The following RORA variants were observed in gnomAD, a reference collection of about 807,000 sequenced individuals.
RORA encodes the protein nuclear receptor ROR-alpha.
In RORA, 7 loss-of-function variants were observed where a neutral mutation model predicts 69.5. The observed-to-expected ratio is 0.10, with a 90% CI of 0.06 to 0.19. RORA has a LOEUF of 0.19. Ranked by LOEUF, RORA falls within the 10% of genes least tolerant of loss-of-function variation. RORA has a pLI of 1.00. For synonymous variants in RORA, 261 were observed against 240.8 expected (o/e 1.08, Z -0.78); for missense variants, 457 against 663.0 (o/e 0.69, Z 3.41).
intron 1 of RORA, among the ~76,000 whole-genome samples, chr15:60,700,084 T>C (rs1227293909): frequency 6.6e-6 from 1 of 152,198 alleles, no homozygotes; most frequent in African/African-American, 2.4e-5. Context: ...ATGGGAATTG[T>C]GCTCATTAGG....
chr15:60,836,906 A>T (rs2073123927), intron 1 of RORA, among the ~76,000 whole-genome samples: 1 of 152,200 alleles, frequency 6.6e-6, no homozygotes, highest in African/African-American at 2.4e-5. Flanking sequence ...GCACCAGCCC[A>T]CATTCTTGTG....
intron 1 of RORA, among the ~76,000 whole-genome samples, chr15:61,070,207 C>T (rs888442814): frequency 1.1e-4 from 17 of 152,244 alleles, no homozygotes; most frequent in African/African-American, 2.6e-4. Flanking sequence ...ACAAAAATGG[C>T]GACCACACCT....
chr15:60,986,817 G>A (rs1894217427), intron 1 of RORA, among the ~76,000 whole-genome samples: 1 of 152,200 alleles, frequency 6.6e-6, no homozygotes, highest in South Asian at 2.1e-4. Flanking sequence ...TAGAAGTACG[G>A]ACCAACTTCC....
intron 1 of RORA, among the ~76,000 whole-genome samples, chr15:60,909,783 G>A (rs57052318): frequency 0.048 from 7,378 of 152,284 alleles, 633 homozygotes; most frequent in African/African-American, 0.17. Context: ...AAAGAGAGTG[G>A]CCTCAAGTGG....
Position 60,649,945 on chromosome 15 carries a change from A to G in RORA, c.196+28712T>C, listed in dbSNP as rs140704791. 1.0e-3 allele frequency among the ~76,000 whole-genome samples: 155 copies of G among 152,296 alleles called. 1 individual carries two copies. The East Asian group carries it at 0.027, about 27-fold the overall frequency. On this transcript the variant is annotated intron_variant, in intron 2 of 10. Coordinates refer to ENST00000335670, the MANE Select transcript of RORA (RefSeq NM_134261.3). ...CCCTCTGCCGTGGAATCAAATCTCC[A>G]TGTATAAAAATAAACCTAGAAACTT... is the stretch of plus-strand genomic sequence containing the variant.
At chr15:61,078,068 G>A (rs1211598918) in intron 1 of RORA, among the ~76,000 whole-genome samples, 1 of 152,218 alleles carries the variant, frequency 6.6e-6, no homozygotes, top group Non-Finnish European at 1.5e-5. Context: ...TCTTAGTGAA[G>A]TAACCACTGG....
chr15:61,014,073 G>A (rs926894607), intron 1 of RORA, among the ~76,000 whole-genome samples: 3 of 152,086 alleles, frequency 2.0e-5, no homozygotes, highest in African/African-American at 4.8e-5. Flanking sequence ...GTGAGCCACC[G>A]CACCCGGCCG....
rs183551393 is a variant in RORA at position 60,891,696 on chromosome 15, T to A, written c.167-213010A>T. ...GCCTCTGCCTGTCTTTCCAGCCTCATTTCCTGCTATTCTGCACGTGACTCC... is the reference window on the plus strand; with the variant it reads ...GCCTCTGCCTGTCTTTCCAGCCTCAATTCCTGCTATTCTGCACGTGACTCC... On this transcript the variant is annotated intron_variant, in intron 1 of 10. Transcript: ENST00000335670. Among the ~76,000 whole-genome samples the A allele has an allele frequency of 1.2e-3, 181 of 152,348 alleles. 1 individual carries two copies. Among genetic ancestry groups the A allele is most frequent in the Non-Finnish European group, 1.6e-3 (107 of 68,028 alleles).
At chr15:60,883,059 A>C (rs543414433) in intron 1 of RORA, among the ~76,000 whole-genome samples, 204 of 128,798 alleles carry the variant, frequency 1.6e-3, no homozygotes, top group Admixed American at 3.3e-3. Context: ...TGAACCTGGG[A>C]GGTGGAAGCT....
intron 1 of RORA, among the ~76,000 whole-genome samples, chr15:60,909,448 T>G (rs1891638169): frequency 1.3e-5 from 2 of 152,188 alleles, no homozygotes; most frequent in South Asian, 4.1e-4. Flanking sequence ...AGATCAAAAC[T>G]TATTCCATGC....
At chr15:60,806,583 G>T (rs2072662690) in intron 1 of RORA, among the ~76,000 whole-genome samples, 1 of 152,174 alleles carries the variant, frequency 6.6e-6, no homozygotes, top group Admixed American at 6.5e-5. Context: ...AGACTTGGTA[G>T]TTTCATAAAG....
chr15:60,903,440 C>T (rs1249428377), intron 1 of RORA, among the ~76,000 whole-genome samples: 3 of 152,192 alleles, frequency 2.0e-5, no homozygotes, highest in South Asian at 4.1e-4. Context: ...AAATGTCTTC[C>T]GGAACCATCC....
At chr15:60,677,221 A>G (rs1455764736) in intron 2 of RORA, 1 of 455,880 alleles carries the variant, frequency 2.2e-6, no homozygotes, top group African/African-American at 2.0e-5. Flanking sequence ...AGCGCTCTGT[A>G]CCATGCCTGC....
intron 1 of RORA, among the ~76,000 whole-genome samples, chr15:61,159,049 T>C (rs963755534): frequency 9.2e-5 from 14 of 152,190 alleles, no homozygotes; most frequent in Admixed American, 9.2e-4. Context: ...TATATAAATA[T>C]ACAGCTAGAC....
intron 1 of RORA, among the ~76,000 whole-genome samples, chr15:60,694,066 C>T (rs2070867915): frequency 6.6e-6 from 1 of 152,152 alleles, no homozygotes; most frequent in Non-Finnish European, 1.5e-5. Flanking sequence ...GCTACAGTAA[C>T]CAAAACAGTT....
intron 1 of RORA, among the ~76,000 whole-genome samples, chr15:60,751,282 A>C (rs1412043452): frequency 6.6e-6 from 1 of 152,204 alleles, no homozygotes; most frequent in Non-Finnish European, 1.5e-5. Context: ...GGCAAATAAC[A>C]TCAGGAGGAA....
In RORA at chr15:60,910,883, T is replaced by TG. The variant is rs368470873; in HGVS notation, c.167-232198_167-232197insC. Among the ~76,000 whole-genome samples the TG allele has an allele frequency of 5.8e-4, 87 of 149,442 alleles. No homozygotes were observed. The East Asian group carries it at 0.012, about 21-fold the overall frequency. ...TTTATGAGGCTCTGGCTGTTTTTTT[T>TG]TTGTTGTTGTTGTTTTTTGGGTTTT... On this transcript the variant is annotated intron_variant, in intron 1 of 10. Coordinates refer to ENST00000335670, the MANE Select transcript of RORA (RefSeq NM_134261.3).
At chr15:60,722,668 T>C (rs755068397) in intron 1 of RORA, among the ~76,000 whole-genome samples, 1 of 152,224 alleles carries the variant, frequency 6.6e-6, no homozygotes, top group Non-Finnish European at 1.5e-5. Flanking sequence ...TGCCCTGATC[T>C]GTGCTCCGTG....
At chr15:60,840,185 G>A (rs1470625551) in intron 1 of RORA, among the ~76,000 whole-genome samples, 1 of 152,180 alleles carries the variant, frequency 6.6e-6, no homozygotes, top group Non-Finnish European at 1.5e-5. Flanking sequence ...GCCTTAGTAT[G>A]AGAACTAGGT....
Sources: allele counts gnomAD v4.1 joint callset (sites outside exome capture counted in the v4.1 genomes callset), GRCh38; gene constraint gnomAD v4.1.1; transcripts MANE v1.5; gene names NCBI Gene and HGNC (gene_info 2026-07-23, HGNC 2026-07-21).